Variants in DNAJB12 observed in about 807,000 individuals in gnomAD.
The protein encoded by DNAJB12 is DnaJ heat shock protein family (Hsp40) member B12.
A neutral mutation model predicts 40.6 loss-of-function variants in DNAJB12; 14 were observed. The observed-to-expected ratio is 0.34, with a 90% confidence interval of 0.23 to 0.54. The LOEUF (loss-of-function observed/expected upper bound fraction) is 0.54. Ranked by LOEUF, DNAJB12 falls within the 20% of genes least tolerant of loss-of-function variation. The probability of loss-of-function intolerance (pLI) is 0.92; values close to 1 mark genes in which losing one functional copy is unlikely to be tolerated. For synonymous variants in DNAJB12, 181 were observed against 199.5 expected, an observed-to-expected ratio of 0.91 and a Z score of 0.78; for missense variants, 444 against 501.7, an observed-to-expected ratio of 0.89 and a Z score of 1.10.
In DNAJB12 at chr10:72,338,687, T is replaced by C. The variant is rs370101617; in HGVS notation, c.724-376A>G. Among the ~76,000 whole-genome samples the C allele has an allele frequency of 9.4e-4, 143 of 152,276 alleles. No homozygotes were observed. In the South Asian group the frequency reaches 9.7e-3, roughly 10 times the overall value. On this transcript the variant is annotated intron_variant, in intron 5 of 8. Transcript: ENST00000444643. ...AAATATATTACCAATTTAAACATTA[T>C]GGCCAGTGTGGCGGCTCATGCCTGT...
intron 7 of DNAJB12, among the ~76,000 whole-genome samples, chr10:72,336,252 T>A (rs1448886392): frequency 6.6e-6 from 1 of 151,966 alleles, no homozygotes; most frequent in Admixed American, 6.6e-5. Flanking sequence ...CTCCAGTCCA[T>A]CTCTACACAC....
rs1861379677 is a variant in DNAJB12 at position 72,333,601 on chromosome 10, C to T, written c.*1047G>A. Reference sequence around the variant, plus strand: ...TGCATGACTTAGGAAAAACCAGTGGCAATGATGGAGCTGTGCCCTGTGGCA... The same window carrying T: ...TGCATGACTTAGGAAAAACCAGTGGTAATGATGGAGCTGTGCCCTGTGGCA... On this transcript the variant is annotated 3_prime_UTR_variant, in exon 9 of 9. Transcript: ENST00000444643. 1.3e-5 allele frequency: 2 copies of T among 152,666 alleles called. No homozygotes were observed. The highest frequency in any genetic ancestry group is 2.9e-5 in the Non-Finnish European group (2 of 68,066). The allele number at this position is 152,666 out of a possible 1,614,324, so 9.5% of individuals were successfully genotyped here.
chr10:72,345,257 G>C, intron 1 of DNAJB12, 130 bp from the exon 2 acceptor site: 1 of 1,009,566 alleles, frequency 9.9e-7, no homozygotes, highest in Non-Finnish European at 1.4e-6. Context: ...TTAGGCCTGT[G>C]GGTGCTGGGG....
rs149693846 is a variant in DNAJB12, at chr10:72,347,682, G to A, written c.134-2555C>T. ...TGTAATCCCAACACTTTGGGAGGCCGAGGCGGGCGAATCACAAGGTCAGGA... is the reference window on the plus strand; with the variant it reads ...TGTAATCCCAACACTTTGGGAGGCCAAGGCGGGCGAATCACAAGGTCAGGA... On this transcript the variant is annotated intron_variant, in intron 1 of 8. Transcript: ENST00000444643. 7.0e-4 allele frequency among the ~76,000 whole-genome samples: 107 copies of A among 152,300 alleles called. No individual in the cohort carries two copies. The East Asian group carries it at 0.018, about 26-fold the overall frequency.
intron 5 of DNAJB12, among the ~76,000 whole-genome samples, chr10:72,339,276 C>G (rs967707454): frequency 2.0e-5 from 3 of 151,462 alleles, no homozygotes; most frequent in Non-Finnish European, 2.9e-5. Context: ...TGGCTCACGC[C>G]TGTAATCCCA....
In DNAJB12 at chr10:72,334,581, G is replaced by C; in HGVS notation, c.*67C>G. 1.3e-6 allele frequency: 2 copies of C among 1,533,866 alleles called. No homozygotes were observed. Among genetic ancestry groups the C allele is most frequent in the Non-Finnish European group, 1.7e-6 (2 of 1,146,380 alleles). ...ATATACAGTCCATCACCTTGGCTCAGTGCATGTCACCAAAAATTCTCCAGG... is the reference window on the plus strand; with the variant it reads ...ATATACAGTCCATCACCTTGGCTCACTGCATGTCACCAAAAATTCTCCAGG... On this transcript the variant is annotated 3_prime_UTR_variant, in exon 9 of 9. Transcript: ENST00000444643.
chr10:72,336,009 G>C, intron 7 of DNAJB12, 78 bp from the exon 8 acceptor site: 1 of 1,572,848 alleles, frequency 6.4e-7, no homozygotes, highest in Non-Finnish European at 8.7e-7. Context: ...GGGCTGTGGA[G>C]GGCGGAGGAA....
chr10:72,340,945 C>T (rs373452284), intron 4 of DNAJB12, 40 bp downstream of exon 4: 9 of 1,594,148 alleles, frequency 5.6e-6, no homozygotes, highest in Middle Eastern at 1.6e-4. Context: ...CCCACCATCA[C>T]CCCAGGGATA....
intron 1 of DNAJB12, among the ~76,000 whole-genome samples, chr10:72,348,048 A>T (rs1020696520): frequency 4.0e-5 from 6 of 151,128 alleles, no homozygotes; most frequent in African/African-American, 1.5e-4. Flanking sequence ...GCATGGTGAA[A>T]CCCCGTCTCT....
rs1376831851 is a variant in DNAJB12 at position 72,335,492 on chromosome 10, A to T, written c.*30+288T>A. On this transcript the variant is annotated intron_variant, in intron 8 of 8. Coordinates refer to ENST00000444643, the MANE Select transcript of DNAJB12 (RefSeq NM_017626.7). This position sits in a 1 kb window ranked among gnomAD's most constrained non-coding sequence, Gnocchi z 4.4. ...CAAGAAGCCCCGGGTGGCCCTCAGCAACAGTTTCAAGTTCCCACTCTGCCT... is the reference window on the plus strand; with the variant it reads ...CAAGAAGCCCCGGGTGGCCCTCAGCTACAGTTTCAAGTTCCCACTCTGCCT... 8.7e-7 allele frequency: 1 copy of T among 1,153,274 alleles called. No individual in the cohort carries two copies. Among genetic ancestry groups the T allele is most frequent in the African/African-American group, 1.6e-5 (1 of 62,402 alleles). 71.4% of individuals were successfully genotyped at this position (1,153,274 alleles called of 1,614,324 possible).
Position 72,336,021 on chromosome 10 carries a change from G to A in DNAJB12, c.1007-90C>T. On this transcript the variant is annotated intron_variant, in intron 7 of 8. Coordinates refer to ENST00000444643, the MANE Select transcript of DNAJB12 (RefSeq NM_017626.7). ...CGAGGGCTGTGGAGGGCGGAGGAAAGCTGGTACATGCCCGGGGCTTGGGCA... is the reference window on the plus strand; with the variant it reads ...CGAGGGCTGTGGAGGGCGGAGGAAAACTGGTACATGCCCGGGGCTTGGGCA... The A allele has an allele frequency of 2.6e-6, 4 of 1,524,238 alleles. 1 individual carries two copies. The South Asian group carries it at 3.6e-5, about 14-fold the overall frequency. 94.4% of individuals were successfully genotyped at this position (1,524,238 alleles called of 1,614,324 possible). A position where few individuals can be genotyped will look rare whatever the true frequency, so the allele number is the denominator to read the frequency against.
intron 4 of DNAJB12, 54 bp from the exon 5 acceptor site, chr10:72,340,922 C>T (rs1209170738): frequency 3.1e-6 from 5 of 1,609,094 alleles, no homozygotes; most frequent in South Asian, 2.2e-5. Context: ...AAGGGAGAGG[C>T]TGGCATGCCA....
chr10:72,344,326 G>A (rs897630725), intron 2 of DNAJB12, among the ~76,000 whole-genome samples: 8 of 152,154 alleles, frequency 5.3e-5, no homozygotes, highest in South Asian at 2.1e-4. Flanking sequence ...TCACACAGGC[G>A]GCCTTGGTCC....
intron 2 of DNAJB12, among the ~76,000 whole-genome samples, chr10:72,344,259 T>A (rs1355527471): frequency 6.6e-6 from 1 of 152,250 alleles, no homozygotes; most frequent in Non-Finnish European, 1.5e-5. Flanking sequence ...CCTTGCCGAC[T>A]CAGTGAAGTA....
At position 72,333,372 on chromosome 10, in the gene DNAJB12, C is replaced by G. The variant is rs537655428; in HGVS notation, c.*1276G>C. 4.7e-4 allele frequency: 72 copies of G among 152,340 alleles called. 2 individuals are homozygous for G. The highest frequency in any genetic ancestry group is 8.8e-5 in the Non-Finnish European group (6 of 68,040). 9.4% of individuals were successfully genotyped at this position (152,340 alleles called of 1,614,324 possible). A position where few individuals can be genotyped will look rare whatever the true frequency, so the allele number is the denominator to read the frequency against. The stretch of plus-strand genomic sequence containing the variant: ...CAAGTGCTGTTTTAAGCAAAATCCT[C>G]ATTTCAATGTGAGGGTAAGAAAACT... On this transcript the variant is annotated 3_prime_UTR_variant, in exon 9 of 9. Transcript: ENST00000444643.
At chr10:72,339,264 G>A (rs2131983843) in intron 5 of DNAJB12, among the ~76,000 whole-genome samples, 1 of 146,220 alleles carries the variant, frequency 6.8e-6, no homozygotes, top group African/African-American at 2.5e-5. Context: ...AGGCCGGCAT[G>A]GTGGCTCACG....
At chr10:72,348,938 T>C (rs971188418) in intron 1 of DNAJB12, among the ~76,000 whole-genome samples, 2 of 152,326 alleles carry the variant, frequency 1.3e-5, no homozygotes, top group South Asian at 4.1e-4. Flanking sequence ...ACTGCTGCCA[T>C]GACCACACAG....
intron 6 of DNAJB12, 69 bp downstream of exon 6, chr10:72,338,133 G>A: frequency 7.5e-7 from 1 of 1,329,944 alleles, no homozygotes; most frequent in East Asian, 2.3e-5. Flanking sequence ...TGGGAAAGAA[G>A]GCCCCTGATG....
At chr10:72,345,569 CAAAAAAAA>C (rs34465078) in intron 1 of DNAJB12, among the ~76,000 whole-genome samples, 9,505 of 92,312 alleles carry the variant, frequency 0.1, 665 homozygotes, top group African/African-American at 0.26. Context: ...GACCCTGTCT[CAAAAAAAA>C]AAAAAAAAAA....
Sources: allele counts gnomAD v4.1 joint callset (sites outside exome capture counted in the v4.1 genomes callset), GRCh38; gene constraint gnomAD v4.1.1; non-coding constraint Gnocchi (gnomAD v3.1); transcripts MANE v1.5; gene names NCBI Gene and HGNC (gene_info 2026-07-23, HGNC 2026-07-21).